The following TFCP2L1 variants were observed in gnomAD, a reference collection of about 807,000 sequenced individuals.
TFCP2L1 encodes the protein transcription factor CP2-like protein 1.
Under a neutral mutation model 72.2 loss-of-function variants are expected in TFCP2L1, and 12 were observed. The ratio of observed to expected loss-of-function variants is 0.17; its 90% confidence interval spans 0.11 to 0.27. The LOEUF (loss-of-function observed/expected upper bound fraction) is 0.27. TFCP2L1 is among the 10% of genes least tolerant of loss of function. The probability of loss-of-function intolerance (pLI) is 1.00; values close to 1 mark genes in which losing one functional copy is unlikely to be tolerated. For synonymous variants in TFCP2L1, 260 were observed against 251.0 expected (o/e 1.04, Z -0.34); for missense variants, 488 against 624.6 (o/e 0.78, Z 2.33).
At chr2:121,259,274 ACT>A (rs1290500087) in intron 2 of TFCP2L1, among the ~76,000 whole-genome samples, 16 of 151,156 alleles carry the variant, frequency 1.1e-4, no homozygotes, top group Non-Finnish European at 1.9e-4. Flanking sequence ...TAAGAGTGAA[ACT>A]CTGTCTCAAA....
Position 121,281,359 on chromosome 2 carries a change from C to T in TFCP2L1, c.63-88G>A, listed in dbSNP as rs1404369762. 3.4e-6 allele frequency: 5 copies of T among 1,452,042 alleles called. No individual in the cohort carries two copies. In the African/African-American group the frequency reaches 5.7e-5, roughly 17 times the overall value. The allele number at this position is 1,452,042 out of a possible 1,614,324, so 89.9% of individuals were successfully genotyped here. On this transcript the variant is annotated intron_variant, in intron 1 of 14. Coordinates refer to ENST00000263707, the MANE Select transcript of TFCP2L1 (RefSeq NM_014553.3). ...GGCGAAGCTAGAGAGACGACGCAGA[C>T]CACCGGGGCCCAGGGTGACACGGCA...
Position 121,234,199 on chromosome 2 carries a change from CAGG to C in TFCP2L1, c.1095-8_1095-6del, listed in dbSNP as rs772652195. The stretch of plus-strand genomic sequence containing the variant: ...GTCATCTTTGGCCTCACATTCCTGG[CAGG>C]AGAAGAGAAAATAAATAATAGGTGT... On this transcript the variant is annotated splice_region_variant and splice_polypyrimidine_tract_variant and intron_variant, in intron 11 of 14. Coordinates refer to ENST00000263707, the MANE Select transcript of TFCP2L1 (RefSeq NM_014553.3). 9.1e-5 allele frequency: 147 copies of C among 1,613,742 alleles called. No individual in the cohort carries two copies. Among genetic ancestry groups the C allele is most frequent in the Middle Eastern group, 6.6e-4 (4 of 6,054 alleles).
Position 121,239,626 on chromosome 2 carries a change from G to A in TFCP2L1, c.792C>T (p.Ala264=). Residue 264 remains alanine (A), a synonymous_variant, in exon 8 of 15, where the codon GCC becomes GCT. Transcript: ENST00000263707. The part of the protein sequence containing the change: ...LTECSPWPDV[A]YQVNSAPSPS... The stretch of plus-strand genomic sequence containing the variant: ...GGGACGGGGCGCTGTTCACCTGGTA[G>A]GCCACGTCGGGCCATGGAGAGCACT... The A allele has an allele frequency of 6.2e-7, 1 of 1,614,192 alleles. No individual in the cohort carries two copies. The highest frequency in any genetic ancestry group is 8.5e-7 in the Non-Finnish European group (1 of 1,180,018).
At chr2:121,271,194 T>TAAAAA (rs1558744728) in intron 2 of TFCP2L1, among the ~76,000 whole-genome samples, 1 of 111,156 alleles carries the variant, frequency 9.0e-6, no homozygotes, top group Non-Finnish European at 1.7e-5. Flanking sequence ...CGTCTCAAAA[T>TAAAAA]AAAAATAAAA....
At chr2:121,258,506 C>A (rs1686771081) in intron 2 of TFCP2L1, among the ~76,000 whole-genome samples, 1 of 152,228 alleles carries the variant, frequency 6.6e-6, no homozygotes, top group Non-Finnish European at 1.5e-5. Context: ...ACAGCTTCAC[C>A]CAGTGGTGCT....
Position 121,235,210 on chromosome 2 carries a change from CCA to C in TFCP2L1, c.1094+9_1094+10del. On this transcript the variant is annotated intron_variant, in intron 11 of 14. Coordinates refer to ENST00000263707, the MANE Select transcript of TFCP2L1 (RefSeq NM_014553.3). Reference sequence around the variant, plus strand: ...GCCTCTGGCTGGCTTCACAGAGAAACCAACACCTACCGGCCTTTGATGGCGTT... The same window carrying C: ...GCCTCTGGCTGGCTTCACAGAGAAACACACCTACCGGCCTTTGATGGCGTT... The C allele has an allele frequency of 5.0e-6, 8 of 1,614,200 alleles. No homozygotes were observed. The highest frequency in any genetic ancestry group is 5.9e-6 in the Non-Finnish European group (7 of 1,180,016).
chr2:121,225,695 G>T, intron 13 of TFCP2L1, 82 bp from the exon 14 acceptor site: 1 of 1,488,540 alleles, frequency 6.7e-7, no homozygotes. Flanking sequence ...CTAGCCATGC[G>T]CAGCTGCAGA....
At position 121,235,317 on chromosome 2, in the gene TFCP2L1, C is replaced by T. The variant is rs1406123544; in HGVS notation, c.1004-6G>A. 3.7e-6 allele frequency: 6 copies of T among 1,613,674 alleles called. No homozygotes were observed. Among genetic ancestry groups the T allele is most frequent in the Non-Finnish European group, 5.1e-6 (6 of 1,179,940 alleles). ...CATCTTCAGCAAGTCAGCACCTAGG[C>T]AGGAAAAAAACGGGGATGCCTGTTA... On this transcript the variant is annotated splice_polypyrimidine_tract_variant and splice_region_variant and intron_variant, in intron 10 of 14. Coordinates refer to ENST00000263707, the MANE Select transcript of TFCP2L1 (RefSeq NM_014553.3).
rs1685901175 is a variant in TFCP2L1 at position 121,220,002 on chromosome 2, C to G, written c.*4339G>C. On this transcript the variant is annotated 3_prime_UTR_variant, in exon 15 of 15. Transcript: ENST00000263707. Reference sequence around the variant, plus strand: ...GCAGTGTCAACATCTAATCCCCCACCCCCGCCCAATCATCCACTGCTTTCT... The same window carrying G: ...GCAGTGTCAACATCTAATCCCCCACGCCCGCCCAATCATCCACTGCTTTCT... 6.6e-6 allele frequency: 1 copy of G among 151,878 alleles called. No individual in the cohort carries two copies. The highest frequency in any genetic ancestry group is 6.6e-5 in the Admixed American group (1 of 15,246). 9.4% of individuals were successfully genotyped at this position (151,878 alleles called of 1,614,324 possible). A position where few individuals can be genotyped will look rare whatever the true frequency, so the allele number is the denominator to read the frequency against.
At chr2:121,269,918 A>AAAAAAAAAAAAATATATAT in intron 2 of TFCP2L1, among the ~76,000 whole-genome samples, 5 of 115,174 alleles carry the variant, frequency 4.3e-5, no homozygotes, top group South Asian at 3.1e-4. Flanking sequence ...AAAAAAAAAA[A>AAAAAAAAAAAAATATATAT]ATATATATAT....
chr2:121,224,077 G>A lies in TFCP2L1; in HGVS notation c.*264C>T. ...ACTGTTTGCCCTTTTAGAACGTCAGGGTTGGACCAATAGAAAAGAACAAGG... is the reference window on the plus strand; with the variant it reads ...ACTGTTTGCCCTTTTAGAACGTCAGAGTTGGACCAATAGAAAAGAACAAGG... On this transcript the variant is annotated 3_prime_UTR_variant, in exon 15 of 15. Coordinates refer to ENST00000263707, the MANE Select transcript of TFCP2L1 (RefSeq NM_014553.3). 5 of 551,112 alleles carry A rather than the reference G, an allele frequency of 9.1e-6. 1 individual carries two copies. Among genetic ancestry groups the A allele is most frequent in the South Asian group, 8.9e-5 (4 of 45,144 alleles). 34.1% of individuals were successfully genotyped at this position (551,112 alleles called of 1,614,324 possible).
At chr2:121,270,503 C>T (rs926245110) in intron 2 of TFCP2L1, among the ~76,000 whole-genome samples, 4 of 152,150 alleles carry the variant, frequency 2.6e-5, no homozygotes, top group Non-Finnish European at 4.4e-5. Context: ...CGCTTAAACA[C>T]AAAGATATAC....
intron 2 of TFCP2L1, among the ~76,000 whole-genome samples, chr2:121,251,730 T>C (rs898872250): frequency 1.3e-5 from 2 of 152,230 alleles, no homozygotes; most frequent in African/African-American, 4.8e-5. Context: ...GTTACTTAGC[T>C]AGATTCAACC....
intron 6 of TFCP2L1, 112 bp downstream of exon 6, chr2:121,246,706 T>C: frequency 7.2e-7 from 1 of 1,382,914 alleles, no homozygotes; most frequent in Non-Finnish European, 1.0e-6. Context: ...GCTAAAGGGA[T>C]GCTGCGTTCC....
intron 2 of TFCP2L1, among the ~76,000 whole-genome samples, chr2:121,254,343 A>G (rs928660271): frequency 2.0e-5 from 3 of 152,198 alleles, no homozygotes; most frequent in Non-Finnish European, 4.4e-5. Flanking sequence ...TTTCTGTAAG[A>G]GACAAAGGAG....
chr2:121,285,024 G>C (rs887652817), intron 1 of TFCP2L1, 24 bp downstream of exon 1: 28 of 1,474,420 alleles, frequency 1.9e-5, no homozygotes, highest in South Asian at 2.6e-5. Flanking sequence ...CCCGAGACCC[G>C]CGGGGACCGC....
chr2:121,235,551 T>C (rs1396329802), intron 10 of TFCP2L1, among the ~76,000 whole-genome samples: 1 of 149,912 alleles, frequency 6.7e-6, no homozygotes, highest in Admixed American at 6.7e-5. Context: ...CCTCATTGCC[T>C]GCCCTGCTTG....
At chr2:121,270,191 G>A (rs1687018360) in intron 2 of TFCP2L1, among the ~76,000 whole-genome samples, 1 of 152,152 alleles carries the variant, frequency 6.6e-6, no homozygotes, top group African/African-American at 2.4e-5. Context: ...GGTAAACAGT[G>A]TTGGCAAAGG....
At chr2:121,263,748 G>T (rs1037602477) in intron 2 of TFCP2L1, among the ~76,000 whole-genome samples, 1 of 152,198 alleles carries the variant, frequency 6.6e-6, no homozygotes, top group African/African-American at 2.4e-5. Context: ...ATTTGTGTGT[G>T]TGTGTTTACG....
Sources: allele counts gnomAD v4.1 joint callset (sites outside exome capture counted in the v4.1 genomes callset), GRCh38; gene constraint gnomAD v4.1.1; transcripts MANE v1.5; gene names NCBI Gene and HGNC (gene_info 2026-07-23, HGNC 2026-07-21).